The following RAD54L variants were observed in gnomAD, a reference collection of about 807,000 sequenced individuals.
The protein encoded by RAD54L is DNA repair and recombination protein RAD54-like.
A neutral mutation model predicts 91.6 loss-of-function variants in RAD54L; 74 were observed. That is an observed-to-expected ratio of 0.81 (90% CI 0.67 to 0.98). The LOEUF is 0.98. RAD54L is among the 50% of genes least tolerant of loss of function. RAD54L has a pLI of 0.00. For missense variants in RAD54L, 887 were observed against 945.7 expected (o/e 0.94, Z 0.81); for synonymous variants, 304 against 349.7 (o/e 0.87, Z 1.46).
intron 16 of RAD54L, among the ~76,000 whole-genome samples, chr1:46,274,997 T>C (rs1380893944): frequency 6.6e-6 from 1 of 152,244 alleles, no homozygotes; most frequent in East Asian, 1.9e-4. Flanking sequence ...ACTGGCCTTG[T>C]AGTCTTCTCT....
At chr1:46,268,388 G>T (rs1660325664) in intron 9 of RAD54L, among the ~76,000 whole-genome samples, 2 of 152,150 alleles carry the variant, frequency 1.3e-5, no homozygotes. Flanking sequence ...ACATATATTT[G>T]TGAAAGGGTG....
intron 16 of RAD54L, among the ~76,000 whole-genome samples, chr1:46,275,146 C>G (rs538137631): frequency 6.6e-6 from 1 of 152,342 alleles, no homozygotes; most frequent in African/African-American, 2.4e-5. Context: ...CTATCCTCTG[C>G]TATATTCCTA....
chr1:46,272,461 T>C lies in RAD54L; in HGVS notation c.1170-5T>C. 6.2e-7 allele frequency: 1 copy of C among 1,603,144 alleles called. No individual in the cohort carries two copies. On this transcript the variant is annotated splice_region_variant and splice_polypyrimidine_tract_variant and intron_variant, in intron 10 of 17. Transcript: ENST00000371975. ...CCTCTTGCCTTTTTATCCTGTTTTC[T>C]CTAGATGCCTGATACGGAGGACTTC...
intron 3 of RAD54L, among the ~76,000 whole-genome samples, chr1:46,253,826 T>C (rs1659868762): frequency 6.9e-6 from 1 of 145,644 alleles, no homozygotes; most frequent in Admixed American, 7.2e-5. Context: ...TCCATTCTCC[T>C]TCAGCTGGAG....
intron 16 of RAD54L, 38 bp from the exon 17 acceptor site, chr1:46,277,779 G>T: frequency 6.4e-7 from 1 of 1,563,252 alleles, no homozygotes; most frequent in Non-Finnish European, 8.8e-7. Flanking sequence ...ATGGCTAAGC[G>T]CTGTATCTTT....
chr1:46,275,883 TAA>T (rs1660579616), intron 16 of RAD54L, among the ~76,000 whole-genome samples: 1 of 151,832 alleles, frequency 6.6e-6, no homozygotes. Flanking sequence ...CACTTGAGGC[TAA>T]GAGTTCGAGG....
chr1:46,253,362 C>A (rs528499361), intron 3 of RAD54L, among the ~76,000 whole-genome samples: 7 of 152,112 alleles, frequency 4.6e-5, no homozygotes, highest in Non-Finnish European at 1.0e-4. Flanking sequence ...GCCTATAATC[C>A]CAACACTTTG....
At chr1:46,248,900 C>G (rs1659726736) in intron 2 of RAD54L, among the ~76,000 whole-genome samples, 1 of 152,200 alleles carries the variant, frequency 6.6e-6, no homozygotes, top group Non-Finnish European at 1.5e-5. Flanking sequence ...CAGCAATTAG[C>G]AGCTGGCTCT....
intron 16 of RAD54L, 122 bp downstream of exon 16, chr1:46,274,839 C>T: frequency 8.8e-7 from 1 of 1,138,794 alleles, no homozygotes. Context: ...GCTATGGGCC[C>T]AGAAGTGAGT....
intron 3 of RAD54L, 141 bp from the exon 4 acceptor site, chr1:46,258,545 C>T: frequency 1.4e-6 from 1 of 717,584 alleles, no homozygotes; most frequent in South Asian, 1.5e-5. Flanking sequence ...GGCCCTTCTG[C>T]TATCCCTGGA....
rs748365358 is a variant in RAD54L at position 46,263,517 on chromosome 1, G to A, written c.891+2132G>A. Among the ~76,000 whole-genome samples, 7 of 152,162 alleles carry A rather than the reference G, an allele frequency of 4.6e-5. No individual in the cohort carries two copies. Among genetic ancestry groups the A allele is most frequent in the Non-Finnish European group, 7.4e-5 (5 of 68,018 alleles). On this transcript the variant is annotated intron_variant, in intron 8 of 17. Coordinates refer to ENST00000371975, the MANE Select transcript of RAD54L (RefSeq NM_003579.4). The surrounding 1 kb of genome is among the most constrained non-coding windows in gnomAD (Gnocchi z 4.3). ...TGAGGAACTTCAGAGAGGGGACAGA[G>A]GGAAAAAGCTTGCTTTTGGGTACCA...
At chr1:46,257,568 G>T (rs1659977840) in intron 3 of RAD54L, among the ~76,000 whole-genome samples, 1 of 152,200 alleles carries the variant, frequency 6.6e-6, no homozygotes, top group Non-Finnish European at 1.5e-5. Flanking sequence ...AGGCAGAAGT[G>T]CTTGTACAGA....
rs1244859063 is a variant in RAD54L at position 46,258,536 on chromosome 1, G to C, written c.211-150G>C. On this transcript the variant is annotated intron_variant, in intron 3 of 17. Transcript: ENST00000371975. ...AAGCCTCGTGGTTGACTGAGGCTGGGCCCTTCTGCTATCCCTGGATATTTG... is the reference window on the plus strand; with the variant it reads ...AAGCCTCGTGGTTGACTGAGGCTGGCCCCTTCTGCTATCCCTGGATATTTG... 5 of 693,396 alleles carry C rather than the reference G, an allele frequency of 7.2e-6. No individual in the cohort carries two copies. In the East Asian group the frequency reaches 1.4e-4, roughly 19 times the overall value. 43.0% of individuals were successfully genotyped at this position (693,396 alleles called of 1,614,324 possible).
rs139487723 is a variant in RAD54L, at chr1:46,261,290, G to C, written c.796G>C (p.Val266Leu). 166 of 1,613,732 alleles carry C rather than the reference G, an allele frequency of 1.0e-4. No individual in the cohort carries two copies. The highest frequency in any genetic ancestry group is 1.3e-4 in the Non-Finnish European group (158 of 1,179,942). The change falls in exon 8 of 18, where the codon GTG (valine) becomes CTG (leucine). Residue 266 changes from valine to leucine, a missense_variant. By Grantham distance (32) the Val-to-Leu change is conservative (BLOSUM62 1). Coordinates refer to ENST00000371975, the MANE Select transcript of RAD54L (RefSeq NM_003579.4). ...ATTCATGAACCAGCGTGGAGCCAGG[G>C]TGTCTTCTCCCATCCTCATCATTTC... ...EGFMNQRGAR[V>L]SSPILIISYE...
At position 46,260,979 on chromosome 1, in the gene RAD54L, G is replaced by T. The variant is rs1237327590; in HGVS notation, c.730G>T (p.Asp244Tyr). ...LGGRIQPLAI[D>Y]GGSKDEIDQK... Reference sequence around the variant, plus strand: ...AGGGAGGATCCAACCTCTGGCCATCGATGGAGGATCTAAGGATGAAATAGA... The same window carrying T: ...AGGGAGGATCCAACCTCTGGCCATCTATGGAGGATCTAAGGATGAAATAGA... The change falls in exon 7 of 18, where the codon GAT (aspartate) becomes TAT (tyrosine). Residue 244 changes from aspartate (D) to tyrosine (Y), a missense_variant. Coordinates refer to ENST00000371975, the MANE Select transcript of RAD54L (RefSeq NM_003579.4). 6.2e-7 allele frequency: 1 copy of T among 1,613,944 alleles called. No homozygotes were observed. The highest frequency in any genetic ancestry group is 1.3e-5 in the African/African-American group (1 of 74,914).
chr1:46,270,206 A>T (rs1426519505), intron 9 of RAD54L, among the ~76,000 whole-genome samples: 1 of 152,108 alleles, frequency 6.6e-6, no homozygotes, highest in African/African-American at 2.4e-5. Context: ...CGTCTCTACT[A>T]GAAATACAAA....
Position 46,277,920 on chromosome 1 carries a change from T to C in RAD54L, c.1973T>C (p.Leu658Pro). The C allele has an allele frequency of 6.2e-7, 1 of 1,614,154 alleles. No individual in the cohort carries two copies. The highest frequency in any genetic ancestry group is 1.7e-5 in the Admixed American group (1 of 60,014). ...EEQDVERHFS[L>P]GELKELFILD... ...CAGGATGTAGAGCGCCACTTCTCTCTGGGCGAGTTGAAGGAGCTGTTTATC... is the reference window on the plus strand; with the variant it reads ...CAGGATGTAGAGCGCCACTTCTCTCCGGGCGAGTTGAAGGAGCTGTTTATC... Residue 658 changes from leucine (L) to proline (P), a missense_variant, in exon 17 of 18, where the codon CTG becomes CCG. Physicochemically the swap from Leu to Pro is moderately conservative, Grantham distance 98 (BLOSUM62 -3). Coordinates refer to ENST00000371975, the MANE Select transcript of RAD54L (RefSeq NM_003579.4).
intron 16 of RAD54L, among the ~76,000 whole-genome samples, chr1:46,277,150 T>G (rs1386409853): frequency 9.2e-5 from 14 of 152,130 alleles, no homozygotes; most frequent in Admixed American, 8.5e-4. Flanking sequence ...CTTACTATAC[T>G]CCCACCAACC....
chr1:46,267,149 G>C (rs1409157849), intron 8 of RAD54L, among the ~76,000 whole-genome samples: 1 of 152,098 alleles, frequency 6.6e-6, no homozygotes, highest in African/African-American at 2.4e-5. Context: ...CTGAAGCCTC[G>C]ACCTCCTGGA....
Sources: gnomAD v4.1 joint callset for allele counts (sites outside exome capture counted in the v4.1 genomes callset) on GRCh38, gnomAD v4.1.1 for gene constraint, Gnocchi (gnomAD v3.1) non-coding constraint, MANE v1.5 for transcripts, NCBI Gene and HGNC (gene_info 2026-07-23, HGNC 2026-07-21) for gene names.